Variants in PRKG1 observed in about 807,000 individuals in gnomAD.
PRKG1 encodes the protein cGMP-dependent protein kinase 1.
In PRKG1, 35 loss-of-function variants were observed where a neutral mutation model predicts 88.1. The observed-to-expected ratio is 0.40, with a 90% confidence interval of 0.30 to 0.53. The LOEUF (loss-of-function observed/expected upper bound fraction) is 0.53, where lower values mean the gene tolerates loss of function less well. Among genes scored for constraint, PRKG1 ranks in the 20% least tolerant of loss-of-function variants. The pLI is 0.59. For missense variants in PRKG1, 540 were observed against 839.8 expected, an observed-to-expected ratio of 0.64 and a Z score of 4.41; for synonymous variants, 303 against 292.5, an observed-to-expected ratio of 1.04 and a Z score of -0.37.
intron 3 of PRKG1, among the ~76,000 whole-genome samples, chr10:51,604,709 A>G (rs1838710115): frequency 6.6e-6 from 1 of 152,202 alleles, no homozygotes; most frequent in Non-Finnish European, 1.5e-5. Context: ...TTCGGTGCCC[A>G]CTGCTCAAAA....
At chr10:51,579,368 G>A (rs1314453327) in intron 3 of PRKG1, among the ~76,000 whole-genome samples, 1 of 152,024 alleles carries the variant, frequency 6.6e-6, no homozygotes, top group African/African-American at 2.4e-5. Context: ...TAGAAAAGAT[G>A]AAGTGTGATG....
chr10:52,042,729 T>C (rs12356110), intron 5 of PRKG1, among the ~76,000 whole-genome samples: 6 of 152,032 alleles, frequency 3.9e-5, no homozygotes, highest in Non-Finnish European at 7.4e-5. Context: ...AATGAGATTA[T>C]GTCAAACTCA....
intron 5 of PRKG1, among the ~76,000 whole-genome samples, chr10:51,954,463 T>G (rs1843256555): frequency 6.6e-6 from 1 of 152,198 alleles, no homozygotes; most frequent in South Asian, 2.1e-4. Flanking sequence ...ATGTGTATAA[T>G]AAAAAATTTG....
intron 5 of PRKG1, among the ~76,000 whole-genome samples, chr10:51,944,614 A>C (rs1842984464): frequency 6.6e-6 from 1 of 151,984 alleles, no homozygotes; most frequent in Admixed American, 6.5e-5. Flanking sequence ...TTCCTTCTAC[A>C]CACTGCTTTG....
intron 5 of PRKG1, among the ~76,000 whole-genome samples, chr10:52,002,689 T>G (rs1844629557): frequency 6.6e-6 from 1 of 152,142 alleles, no homozygotes; most frequent in African/African-American, 2.4e-5. Context: ...GACAAAGAAC[T>G]AGGGAAGATG....
At chr10:51,068,207 T>C (rs1013983431) in intron 1 of PRKG1, among the ~76,000 whole-genome samples, 2 of 152,042 alleles carry the variant, frequency 1.3e-5, no homozygotes, top group African/African-American at 4.8e-5. Context: ...CTCATGATGA[T>C]TATAGAAAAG....
chr10:51,712,659 G>A (rs1025531071), intron 3 of PRKG1, among the ~76,000 whole-genome samples: 1 of 136,344 alleles, frequency 7.3e-6, no homozygotes, highest in Non-Finnish European at 1.5e-5. Context: ...GCGCAGTCTC[G>A]GCTCACTGCA....
chr10:51,680,631 T>C (rs145772622), intron 3 of PRKG1, among the ~76,000 whole-genome samples: 79 of 152,358 alleles, frequency 5.2e-4, no homozygotes, highest in Middle Eastern at 6.8e-3. Flanking sequence ...AAAACTTCCA[T>C]GATGACTTAT....
At chr10:52,132,170 T>C (rs968167528) in intron 7 of PRKG1, among the ~76,000 whole-genome samples, 2 of 152,152 alleles carry the variant, frequency 1.3e-5, no homozygotes, top group Admixed American at 1.3e-4. Flanking sequence ...AGTCATGCCA[T>C]GTTCTTATAT....
At chr10:52,025,768 C>T (rs551823630) in intron 5 of PRKG1, among the ~76,000 whole-genome samples, 3 of 151,674 alleles carry the variant, frequency 2.0e-5, no homozygotes, top group African/African-American at 4.8e-5. Context: ...AGTGATGCCT[C>T]CAGCTTAGGA....
intron 9 of PRKG1, among the ~76,000 whole-genome samples, chr10:52,250,777 G>A (rs1841150499): frequency 1.3e-5 from 2 of 152,106 alleles, no homozygotes; most frequent in Non-Finnish European, 2.9e-5. Context: ...ATATTCACTT[G>A]TCTCATCAGG....
chr10:51,114,014 G>T (rs932885512), intron 1 of PRKG1, among the ~76,000 whole-genome samples: 22 of 150,752 alleles, frequency 1.5e-4, no homozygotes, highest in African/African-American at 4.6e-4. Flanking sequence ...CTAAAACTGT[G>T]TTTCTTTCCT....
At position 51,349,509 on chromosome 10, in the gene PRKG1, CT is replaced by C. The variant is rs71029360; in HGVS notation, c.479-118198del. Among the ~76,000 whole-genome samples, 802 of 121,646 alleles carry C rather than the reference CT, an allele frequency of 6.6e-3. 3 individuals carry two copies. The highest frequency in any genetic ancestry group is 0.016 in the Middle Eastern group (4 of 248). The allele number at this position is 121,646 out of a possible 152,430, so 79.8% of individuals were successfully genotyped here. ...ATGTGTGTGTGTATGTGTATGTGTC[CT>C]TTTTTTTTTTTTTTTAGATGAAGTC... On this transcript the variant is annotated intron_variant, in intron 2 of 17. Coordinates refer to ENST00000373980, the MANE Select transcript of PRKG1 (RefSeq NM_006258.4).
At chr10:51,875,055 A>C (rs1393223839) in intron 4 of PRKG1, among the ~76,000 whole-genome samples, 7 of 152,272 alleles carry the variant, frequency 4.6e-5, no homozygotes, top group Admixed American at 3.3e-4. Context: ...TTTTCCTCTT[A>C]CTTAACACTT....
intron 3 of PRKG1, among the ~76,000 whole-genome samples, chr10:51,494,370 T>C (rs1042758558): frequency 1.3e-5 from 2 of 152,228 alleles, no homozygotes; most frequent in Non-Finnish European, 2.9e-5. Flanking sequence ...AAGGAGCTCA[T>C]TTTAAAAAAT....
intron 2 of PRKG1, among the ~76,000 whole-genome samples, chr10:51,413,853 A>G (rs906663105): frequency 6.6e-6 from 1 of 152,114 alleles, no homozygotes; most frequent in Non-Finnish European, 1.5e-5. Context: ...TTCTTTGCTG[A>G]GTTCTGTTTG....
rs549461699 is a variant in PRKG1 at position 51,528,117 on chromosome 10, G to A, written c.592+60281G>A. 1.3e-4 allele frequency among the ~76,000 whole-genome samples: 20 copies of A among 152,262 alleles called. No individual in the cohort carries two copies. The South Asian group carries it at 4.1e-3, about 32-fold the overall frequency. On this transcript the variant is annotated intron_variant, in intron 3 of 17. Coordinates refer to ENST00000373980, the MANE Select transcript of PRKG1 (RefSeq NM_006258.4). ...GCTCATGGGAGCAAATGTCATTACG[G>A]AGAAGCTTTCAAAATCATCTAGAGA...
intron 2 of PRKG1, among the ~76,000 whole-genome samples, chr10:51,288,493 G>A (rs958087621): frequency 6.6e-6 from 1 of 152,094 alleles, no homozygotes; most frequent in Admixed American, 6.6e-5. Context: ...GTTTTAAAGG[G>A]ACTGAGTCTT....
intron 3 of PRKG1, among the ~76,000 whole-genome samples, chr10:51,540,620 A>G (rs114221710): frequency 1.5e-3 from 222 of 152,240 alleles, no homozygotes; most frequent in African/African-American, 4.5e-3. Flanking sequence ...TCACATTTAG[A>G]ATATTTGAGC....
Sources: gnomAD v4.1 joint callset for allele counts (sites outside exome capture counted in the v4.1 genomes callset) on GRCh38, gnomAD v4.1.1 for gene constraint, MANE v1.5 for transcripts, NCBI Gene and HGNC (gene_info 2026-07-23, HGNC 2026-07-21) for gene names.